MTMR9: variants seen among roughly 807,000 people sequenced by gnomAD.
MTMR9 encodes the protein myotubularin-related protein 9.
In MTMR9, 39 loss-of-function variants were observed where a neutral mutation model predicts 69.5. That is an observed-to-expected ratio of 0.56 (90% CI 0.43 to 0.73). The LOEUF (loss-of-function observed/expected upper bound fraction) is 0.73. Ranked by LOEUF, MTMR9 falls within the 30% of genes least tolerant of loss-of-function variation. MTMR9 has a pLI of 0.00. For missense variants in MTMR9, 900 were observed against 671.2 expected (o/e 1.34, Z -3.77); for synonymous variants, 354 against 240.8 (o/e 1.47, Z -4.35).
intron 5 of MTMR9, 139 bp from the exon 6 acceptor site, chr8:11,309,388 A>T: frequency 1.4e-6 from 1 of 725,942 alleles, no homozygotes; most frequent in East Asian, 2.7e-5. Flanking sequence ...TTAATCCTCA[A>T]ATTATAGCAG....
At chr8:11,314,787 A>G in intron 6 of MTMR9, 136 bp from the exon 7 acceptor site, 1 of 697,966 alleles carries the variant, frequency 1.4e-6, no homozygotes, top group South Asian at 2.0e-5. Context: ...TCAGAGCAGA[A>G]TGTTGTACTC....
chr8:11,328,340 A>C (rs1801039722), downstream of MTMR9, among the ~76,000 whole-genome samples: 1 of 119,916 alleles, frequency 8.3e-6, no homozygotes, highest in Admixed American at 1.0e-4. Flanking sequence ...TTGCTTTAAT[A>C]CCACGTGTGT....
chr8:11,311,209 C>T (rs896302321), intron 6 of MTMR9, among the ~76,000 whole-genome samples: 2 of 152,180 alleles, frequency 1.3e-5, no homozygotes, highest in Non-Finnish European at 2.9e-5. Flanking sequence ...ATGGGGTTAG[C>T]CTAACCATAA....
chr8:11,299,519 T>C (rs1009039816), intron 2 of MTMR9, among the ~76,000 whole-genome samples: 7 of 152,164 alleles, frequency 4.6e-5, no homozygotes, highest in Middle Eastern at 3.2e-3. Context: ...GATTTGGAAT[T>C]TCAGTCCGGC....
chr8:11,287,705 A>G (rs933910962), intron 1 of MTMR9, among the ~76,000 whole-genome samples: 3 of 127,768 alleles, frequency 2.3e-5, no homozygotes, highest in African/African-American at 7.3e-5. Context: ...ATTATATATT[A>G]TATATATTAT....
At chr8:11,331,522 C>T (rs536975881), downstream of MTMR9, 2 of 1,613,908 alleles carry the variant, frequency 1.2e-6, no homozygotes, top group South Asian at 1.1e-5. Flanking sequence ...GGTTCTTCCA[C>T]CGTATGCTCC....
At chr8:11,311,716 T>G (rs1447845811) in intron 6 of MTMR9, among the ~76,000 whole-genome samples, 1 of 152,166 alleles carries the variant, frequency 6.6e-6, no homozygotes, top group Non-Finnish European at 1.5e-5. Context: ...AAGACAGCAA[T>G]GAAGATTGCC....
chr8:11,330,402 C>A (rs1801166089), downstream of MTMR9, among the ~76,000 whole-genome samples: 2 of 152,232 alleles, frequency 1.3e-5, no homozygotes. Context: ...CCGGCCACCA[C>A]CCCGTCTGGG....
intron 7 of MTMR9, among the ~76,000 whole-genome samples, chr8:11,315,434 A>C (rs773000681): frequency 1.3e-5 from 2 of 152,188 alleles, no homozygotes; most frequent in Non-Finnish European, 2.9e-5. Context: ...TAACCCTTTC[A>C]AAGCCTTTTG....
At chr8:11,287,865 A>T (rs1375407059) in intron 1 of MTMR9, among the ~76,000 whole-genome samples, 2 of 110,854 alleles carry the variant, frequency 1.8e-5, no homozygotes, top group Non-Finnish European at 3.3e-5. Flanking sequence ...GTTATATATT[A>T]TATTATAATA....
chr8:11,314,851 C>T (rs966915366), intron 6 of MTMR9, 72 bp from the exon 7 acceptor site: 2 of 1,482,212 alleles, frequency 1.3e-6, no homozygotes, highest in East Asian at 4.6e-5. Context: ...TCAATAAACG[C>T]TTGTTATTAA....
intron 5 of MTMR9, 74 bp from the exon 6 acceptor site, chr8:11,309,453 C>T (rs878976039): frequency 1.5e-6 from 2 of 1,319,962 alleles, no homozygotes; most frequent in South Asian, 2.9e-5. Context: ...ATGTTGGAGG[C>T]TGAATCTTTG....
chr8:11,299,907 A>G, intron 2 of MTMR9, 116 bp from the exon 3 acceptor site: 1 of 1,220,640 alleles, frequency 8.2e-7, no homozygotes, highest in Non-Finnish European at 1.1e-6. Flanking sequence ...TGTTAGAGAA[A>G]CATTCTGGGT....
downstream of MTMR9, among the ~76,000 whole-genome samples, chr8:11,329,559 G>T (rs1380282863): frequency 1.3e-5 from 2 of 152,206 alleles, no homozygotes; most frequent in African/African-American, 4.8e-5. Flanking sequence ...CGAGTGATCC[G>T]CCAGCCTCGG....
chr8:11,331,667 C>G (rs755131257), downstream of MTMR9: 8 of 1,612,100 alleles, frequency 5.0e-6, no homozygotes, highest in South Asian at 3.3e-5. Flanking sequence ...CCACAGGTGT[C>G]TACACCACCC....
chr8:11,306,137 C>A, intron 4 of MTMR9, 53 bp from the exon 5 acceptor site: 1 of 1,513,940 alleles, frequency 6.6e-7, no homozygotes, highest in Non-Finnish European at 9.1e-7. Flanking sequence ...TTTCTGTTTT[C>A]AGAAACTTTA....
rs761085220 is a variant in MTMR9, at chr8:11,323,745, A to G, written c.*957A>G. The G allele has an allele frequency of 4.6e-5, 7 of 152,176 alleles. No homozygotes were observed. Among genetic ancestry groups the G allele is most frequent in the Non-Finnish European group, 8.8e-5 (6 of 68,032 alleles). The allele number at this position is 152,176 out of a possible 1,614,324, so 9.4% of individuals were successfully genotyped here. ...TTGTGTGTTTTTTTAATTTGTAAGT[A>G]TTCTAAGAGTTTCCTAATACTAAGG... On this transcript the variant is annotated 3_prime_UTR_variant, in exon 10 of 10. Transcript: ENST00000221086.
downstream of MTMR9, chr8:11,331,448 C>T (rs773934039): frequency 3.1e-6 from 5 of 1,613,906 alleles, no homozygotes; most frequent in African/African-American, 5.3e-5. Flanking sequence ...ACGTCCTCAG[C>T]ATTGGATGTG....
intron 7 of MTMR9, 22 bp from the exon 8 acceptor site, chr8:11,316,651 C>T: frequency 6.5e-7 from 1 of 1,535,720 alleles, no homozygotes; most frequent in Non-Finnish European, 8.8e-7. Flanking sequence ...ATATGACTGT[C>T]ACGCCTCCAT....
Sources: allele counts gnomAD v4.1 joint callset (sites outside exome capture counted in the v4.1 genomes callset), GRCh38; gene constraint gnomAD v4.1.1; transcripts MANE v1.5; gene names NCBI Gene and HGNC (gene_info 2026-07-23, HGNC 2026-07-21).